Variants in CLCN3 observed in about 807,000 individuals in gnomAD.
CLCN3 encodes Cl-/H+ antiporter 3.
Under a neutral mutation model 83.4 loss-of-function variants are expected in CLCN3, and 16 were observed. The observed-to-expected ratio is 0.19, with a 90% CI of 0.13 to 0.29. CLCN3 has a LOEUF of 0.29. Ranked by LOEUF, CLCN3 falls within the 10% of genes least tolerant of loss-of-function variation. The pLI is 1.00. For missense variants in CLCN3, 544 were observed against 1,006.0 expected, an observed-to-expected ratio of 0.54 and a Z score of 6.21; for synonymous variants, 322 against 346.2, an observed-to-expected ratio of 0.93 and a Z score of 0.78.
intron 4 of CLCN3, 22 bp downstream of exon 4, chr4:169,687,779 A>G: frequency 1.5e-6 from 2 of 1,376,724 alleles, no homozygotes; most frequent in Admixed American, 2.0e-5. Flanking sequence ...TTTTCAAGCA[A>G]TCCTTTTTTA....
chr4:169,664,037 G>GCATT (rs1731160066), intron 2 of CLCN3, among the ~76,000 whole-genome samples: 1 of 152,194 alleles, frequency 6.6e-6, no homozygotes, highest in Admixed American at 6.5e-5. Context: ...ACTCAATAGG[G>GCATT]CATTCCTGGT....
In CLCN3 at chr4:169,721,816, T is replaced by C; in HGVS notation, c.*1819T>C. ...ATATTCTGTAATTATGCATTTTTGATAGGAAAATGAAATTTTTGCAAACAG... is the reference window on the plus strand; with the variant it reads ...ATATTCTGTAATTATGCATTTTTGACAGGAAAATGAAATTTTTGCAAACAG... On this transcript the variant is annotated 3_prime_UTR_variant, in exon 13 of 13. Transcript: ENST00000513761. The C allele has an allele frequency of 6.6e-6, 1 of 152,190 alleles. No individual in the cohort carries two copies. The highest frequency in any genetic ancestry group is 1.9e-4 in the East Asian group (1 of 5,198). The allele number at this position is 152,190 out of a possible 1,614,324, so 9.4% of individuals were successfully genotyped here. A position where few individuals can be genotyped will look rare whatever the true frequency, so the allele number is the denominator to read the frequency against.
chr4:169,709,070 ATAAT>A (rs1275414948), intron 11 of CLCN3, among the ~76,000 whole-genome samples: 2 of 148,314 alleles, frequency 1.3e-5, no homozygotes, highest in East Asian at 1.9e-4. Context: ...ATGTTAATTT[ATAAT>A]TAATTATATA....
intron 2 of CLCN3, among the ~76,000 whole-genome samples, chr4:169,645,661 G>A (rs1730553323): frequency 6.6e-6 from 1 of 152,124 alleles, no homozygotes; most frequent in South Asian, 2.1e-4. Flanking sequence ...TTGAGCTTGT[G>A]CCTGGCTGTC....
chr4:169,697,659 A>G lies in CLCN3; in HGVS notation c.1488A>G (p.Val496=), dbSNP rs1211827687. ...DIPDRPAGIG[V]YSAIWQLCLA... ...CTGATCGTCCAGCAGGCATTGGAGT[A>G]TATTCAGCTATATGGCAGTTATGCC... Residue 496 remains valine, a synonymous_variant, in exon 9 of 13, where the codon GTA becomes GTG. Transcript: ENST00000513761. 5.6e-5 allele frequency: 90 copies of G among 1,613,666 alleles called. No individual in the cohort carries two copies. The highest frequency in any genetic ancestry group is 7.5e-5 in the Non-Finnish European group (88 of 1,179,744).
intron 2 of CLCN3, among the ~76,000 whole-genome samples, chr4:169,664,785 A>G (rs770800856): frequency 2.0e-5 from 3 of 152,216 alleles, no homozygotes; most frequent in Non-Finnish European, 4.4e-5. Flanking sequence ...ATTTTATGCC[A>G]TCTCATGGCT....
chr4:169,637,436 C>T (rs536408859), intron 2 of CLCN3, among the ~76,000 whole-genome samples: 1 of 151,902 alleles, frequency 6.6e-6, no homozygotes, highest in African/African-American at 2.4e-5. Flanking sequence ...GAGGATTGCT[C>T]GAGGCCAGGA....
intron 2 of CLCN3, among the ~76,000 whole-genome samples, chr4:169,645,778 C>A (rs1189505007): frequency 1.3e-5 from 2 of 152,176 alleles, no homozygotes; most frequent in Non-Finnish European, 2.9e-5. Context: ...AATTAGCCCT[C>A]AGTCCCTTTA....
chr4:169,718,736 C>A (rs999973164), intron 12 of CLCN3, among the ~76,000 whole-genome samples: 2 of 152,206 alleles, frequency 1.3e-5, no homozygotes. Context: ...CTTAAGTGCA[C>A]AACTGATTAT....
chr4:169,641,082 A>G (rs1369571230), intron 2 of CLCN3, among the ~76,000 whole-genome samples: 1 of 152,136 alleles, frequency 6.6e-6, no homozygotes, highest in Non-Finnish European at 1.5e-5. Flanking sequence ...TCCTATCTAT[A>G]CATAACTTTA....
At chr4:169,699,644 G>T (rs1251662870) in intron 9 of CLCN3, among the ~76,000 whole-genome samples, 1 of 152,134 alleles carries the variant, frequency 6.6e-6, no homozygotes, top group Non-Finnish European at 1.5e-5. Context: ...AGCTCTTTGG[G>T]AGGCCGAGGC....
chr4:169,641,782 C>T (rs1730419932), intron 2 of CLCN3, among the ~76,000 whole-genome samples: 1 of 152,130 alleles, frequency 6.6e-6, no homozygotes, highest in South Asian at 2.1e-4. Context: ...TCCAGCCTTT[C>T]CTCCTGTAAA....
At chr4:169,710,503 C>T (rs1017723858) in intron 11 of CLCN3, among the ~76,000 whole-genome samples, 2 of 152,126 alleles carry the variant, frequency 1.3e-5, no homozygotes, top group Non-Finnish European at 1.5e-5. Flanking sequence ...TGGGCTCAAA[C>T]GATCCACCTG....
chr4:169,644,045 A>G (rs147262350), intron 2 of CLCN3, among the ~76,000 whole-genome samples: 42 of 152,294 alleles, frequency 2.8e-4, no homozygotes, highest in African/African-American at 8.9e-4. Flanking sequence ...ATATTCAGAT[A>G]AGTGCTTTTC....
intron 2 of CLCN3, among the ~76,000 whole-genome samples, chr4:169,638,357 A>T (rs55929104): frequency 6.6e-6 from 1 of 152,190 alleles, no homozygotes; most frequent in East Asian, 1.9e-4. Context: ...GGTTGAGACT[A>T]TTGGGTTTTA....
rs765260865 is a variant in CLCN3, at chr4:169,687,151, G to A, written c.319-507G>A. Among the ~76,000 whole-genome samples, 38 of 152,168 alleles carry A rather than the reference G, an allele frequency of 2.5e-4. 1 individual carries two copies. The highest frequency in any genetic ancestry group is 4.1e-4 in the South Asian group (2 of 4,834). On this transcript the variant is annotated intron_variant, in intron 3 of 12. Transcript: ENST00000513761. ...AATGACCGATAATTCAAACCATATT[G>A]TCTTACAGAAGACATATATAAAAGA...
rs1406847099 is a variant in CLCN3, at chr4:169,720,754, A to G, written c.*757A>G. ...GCACCACAACAAAGGCTCATCAAAC[A>G]GGTAAAGTCTCGAAGGAAGCGAGAA... On this transcript the variant is annotated 3_prime_UTR_variant, in exon 13 of 13. Transcript: ENST00000513761. 1 of 152,664 alleles carries G rather than the reference A, an allele frequency of 6.6e-6. No individual in the cohort carries two copies. The highest frequency in any genetic ancestry group is 1.5e-5 in the Non-Finnish European group (1 of 68,042). The allele number at this position is 152,664 out of a possible 1,614,324, so 9.5% of individuals were successfully genotyped here.
rs180785706 is a variant in CLCN3 at position 169,719,466 on chromosome 4, A to T, written c.2367-441A>T. Among the ~76,000 whole-genome samples the T allele has an allele frequency of 6.6e-5, 10 of 152,330 alleles. No individual in the cohort carries two copies. The East Asian group carries it at 1.5e-3, about 23-fold the overall frequency. On this transcript the variant is annotated intron_variant, in intron 12 of 12. Coordinates refer to ENST00000513761, the MANE Select transcript of CLCN3 (RefSeq NM_001829.4). ...GCTACAGAGCGAGACTCTGTCTCAA[A>T]AAATAAATAAATAAATAAATGAAAA... is the stretch of plus-strand genomic sequence containing the variant.
intron 1 of CLCN3, among the ~76,000 whole-genome samples, chr4:169,626,714 A>G (rs1439333272): frequency 6.6e-6 from 1 of 152,154 alleles, no homozygotes; most frequent in Non-Finnish European, 1.5e-5. Flanking sequence ...ACAGTGGCTT[A>G]CCTCTGTAAT....
Sources: gnomAD v4.1 joint callset for allele counts (sites outside exome capture counted in the v4.1 genomes callset) on GRCh38, gnomAD v4.1.1 for gene constraint, MANE v1.5 for transcripts, NCBI Gene and HGNC (gene_info 2026-07-23, HGNC 2026-07-21) for gene names.